The following TNNT1 variants were observed in gnomAD, a reference collection of about 807,000 sequenced individuals.
TNNT1 encodes troponin T1, slow skeletal type.
A neutral mutation model predicts 50.6 loss-of-function variants in TNNT1; 53 were observed. That is an observed-to-expected ratio of 1.05 (90% CI 0.84 to 1.32). TNNT1 has a LOEUF of 1.32. Ranked by LOEUF, TNNT1 falls within the 40% of genes most tolerant of loss-of-function variation. The pLI, the probability that TNNT1 is intolerant of heterozygous loss-of-function variation, is 0.00. For synonymous variants in TNNT1, 142 were observed against 138.0 expected, an observed-to-expected ratio of 1.03 and a Z score of -0.20; for missense variants, 348 against 381.7, an observed-to-expected ratio of 0.91 and a Z score of 0.74.
At chr19:55,143,363 C>G (rs897253124) in intron 6 of TNNT1, among the ~76,000 whole-genome samples, 1 of 152,280 alleles carries the variant, frequency 6.6e-6, no homozygotes, top group African/African-American at 2.4e-5. Context: ...TGGTGCCGCT[C>G]TGAGGCTCAG....
At position 55,137,099 on chromosome 19, in the gene TNNT1, CTA is replaced by C; in HGVS notation, c.611+2_611+3del. ...CTACACCCCGAGCCCCCCACAGCACCTACCGGAGCTGTTCCTCCCCCATGTAG... is the reference window on the plus strand; with the variant it reads ...CTACACCCCGAGCCCCCCACAGCACCCCGGAGCTGTTCCTCCCCCATGTAG... On this transcript the variant is annotated splice_donor_variant and splice_donor_region_variant and intron_variant, in intron 11 of 13. Transcript: ENST00000588981. LOFTEE classifies it high-confidence loss of function. 1 of 1,593,142 alleles carries C rather than the reference CTA, an allele frequency of 6.3e-7. No individual in the cohort carries two copies. Among genetic ancestry groups the C allele is most frequent in the Non-Finnish European group, 8.6e-7 (1 of 1,162,948 alleles).
intron 9 of TNNT1, among the ~76,000 whole-genome samples, chr19:55,138,280 G>T (rs1173645792): frequency 7.2e-6 from 1 of 139,190 alleles, no homozygotes; most frequent in African/African-American, 2.7e-5. Flanking sequence ...CTTCCCCTCT[G>T]TTTTTTTTTT....
intron 1 of TNNT1, 63 bp downstream of exon 1, chr19:55,149,098 C>A (rs1467951833): frequency 4.4e-6 from 2 of 454,678 alleles, no homozygotes; most frequent in Non-Finnish European, 8.9e-6. Context: ...CCCCACCTGC[C>A]TCCTGCCCCC....
intron 9 of TNNT1, among the ~76,000 whole-genome samples, chr19:55,139,000 CCTTT>C (rs1440465367): frequency 1.3e-5 from 2 of 152,072 alleles, no homozygotes; most frequent in African/African-American, 4.8e-5. Flanking sequence ...GAATTAGTTT[CCTTT>C]CTGTTTTTGA....
chr19:55,146,645 C>T lies in TNNT1; in HGVS notation c.73+36G>A, dbSNP rs1450243467. 1.8e-5 allele frequency: 26 copies of T among 1,416,174 alleles called. 1 individual carries two copies. The highest frequency in any genetic ancestry group is 2.4e-5 in the Non-Finnish European group (25 of 1,062,802). 87.7% of individuals were successfully genotyped at this position (1,416,174 alleles called of 1,614,324 possible). A position where few individuals can be genotyped will look rare whatever the true frequency, so the allele number is the denominator to read the frequency against. The stretch of plus-strand genomic sequence containing the variant: ...GGGCCCAGCGTCCCCGCCCCCCCAC[C>T]CCCCAGCTCCAGACCTGCGGAGTCC... On this transcript the variant is annotated intron_variant, in intron 4 of 13. Transcript: ENST00000588981.
At chr19:55,141,446 A>C (rs2085452373) in intron 7 of TNNT1, 144 bp from the exon 8 acceptor site, 2 of 706,814 alleles carry the variant, frequency 2.8e-6, no homozygotes, top group East Asian at 5.2e-5. Context: ...GTTTGACACT[A>C]ATCAGCTCTT....
Position 55,133,054 on chromosome 19 carries a change from A to T in TNNT1, c.792-94T>A, listed in dbSNP as rs936933214. Reference sequence around the variant, plus strand: ...CAATTCAGGAAGCCCATTCCCCAAAATATTAGCCCTCCCTGCCCAGAGGAA... The same window carrying T: ...CAATTCAGGAAGCCCATTCCCCAAATTATTAGCCCTCCCTGCCCAGAGGAA... On this transcript the variant is annotated intron_variant, in intron 13 of 13. Coordinates refer to ENST00000588981, the MANE Select transcript of TNNT1 (RefSeq NM_003283.6). The T allele has an allele frequency of 2.6e-6, 3 of 1,132,904 alleles. No individual in the cohort carries two copies. The African/African-American group carries it at 4.6e-5, about 17-fold the overall frequency. The allele number at this position is 1,132,904 out of a possible 1,614,324, so 70.2% of individuals were successfully genotyped here. A position where few individuals can be genotyped will look rare whatever the true frequency, so the allele number is the denominator to read the frequency against.
intron 13 of TNNT1, 116 bp from the exon 14 acceptor site, chr19:55,133,076 G>A: frequency 1.1e-6 from 1 of 946,890 alleles, no homozygotes; most frequent in Non-Finnish European, 1.7e-6. Context: ...CCTGCCCAGA[G>A]GAAGCAGTGA....
At chr19:55,148,232 G>C (rs921534940) in intron 1 of TNNT1, 2 of 151,950 alleles carry the variant, frequency 1.3e-5, no homozygotes, top group Non-Finnish European at 2.9e-5. Context: ...AGGGATTTGA[G>C]GAAGGGGGGC....
chr19:55,146,630 TCCCC>T, intron 4 of TNNT1, 47 bp downstream of exon 4: 4 of 1,025,166 alleles, frequency 3.9e-6, no homozygotes, highest in Non-Finnish European at 5.5e-6. Flanking sequence ...GGGCCCAGCG[TCCCC>T]GCCCCCCCAC....
chr19:55,146,268 C>T (rs900586268), intron 5 of TNNT1, among the ~76,000 whole-genome samples, 166 bp downstream of exon 5: 2 of 151,874 alleles, frequency 1.3e-5, no homozygotes, highest in African/African-American at 4.8e-5. Context: ...CCCTTCCCGG[C>T]CCCGAGAGGG....
intron 5 of TNNT1, among the ~76,000 whole-genome samples, chr19:55,146,002 C>A (rs1458865801): frequency 1.3e-5 from 2 of 150,958 alleles, no homozygotes; most frequent in East Asian, 1.9e-4. Flanking sequence ...CCCCCCGCCC[C>A]CGGCCCGACC....
chr19:55,147,006 A>G lies in TNNT1; in HGVS notation c.46+2T>C, dbSNP rs1472965765. ...CATAGGGCCGGCCCACTCCCTACTC[A>G]CCTTCCGGCTGCTCCCTGCGGACGG... is the stretch of plus-strand genomic sequence containing the variant. On this transcript the variant is annotated splice_donor_variant, in intron 3 of 13. Transcript: ENST00000588981. LOFTEE classifies it high-confidence loss of function. 1.9e-6 allele frequency: 3 copies of G among 1,608,676 alleles called. No individual in the cohort carries two copies. The highest frequency in any genetic ancestry group is 1.7e-6 in the Non-Finnish European group (2 of 1,177,884).
chr19:55,148,853 A>G (rs1393839793), intron 1 of TNNT1, among the ~76,000 whole-genome samples: 2 of 152,024 alleles, frequency 1.3e-5, no homozygotes, highest in Non-Finnish European at 2.9e-5. Flanking sequence ...CTCCAAGTCC[A>G]GATATCCCTG....
chr19:55,146,888 G>A, intron 3 of TNNT1, 120 bp downstream of exon 3: 1 of 1,349,658 alleles, frequency 7.4e-7, no homozygotes, highest in Non-Finnish European at 1.0e-6. Flanking sequence ...CGGAGAGGGC[G>A]GGCGAGGGCC....
At chr19:55,134,355 A>G (rs1229305031) in intron 11 of TNNT1, 151 bp from the exon 12 acceptor site, 1 of 802,590 alleles carries the variant, frequency 1.2e-6, no homozygotes, top group African/African-American at 1.7e-5. Flanking sequence ...CTTTCTCCAC[A>G]TCCGAGCTGG....
intron 9 of TNNT1, 151 bp from the exon 10 acceptor site, chr19:55,138,225 A>G (rs2742062): frequency 7.4e-7 from 1 of 1,358,786 alleles, no homozygotes. Context: ...AGGGGTACCC[A>G]CTCCCGGCCC....
intron 6 of TNNT1, 184 bp from the exon 7 acceptor site, chr19:55,142,104 G>GT (rs1396590699): frequency 2.5e-5 from 15 of 604,804 alleles, no homozygotes; most frequent in Non-Finnish European, 3.3e-5. Context: ...CACTACTCAT[G>GT]TTTTTTTGGT....
Position 55,137,053 on chromosome 19 carries a change from C to T in TNNT1, c.611+50G>A, listed in dbSNP as rs1279938568. ...GATCTGGGTGTGAGCTCCTTTATCC[C>T]CCTGTCTCACACCCAGGCCCCTACA... is the stretch of plus-strand genomic sequence containing the variant. On this transcript the variant is annotated intron_variant, in intron 11 of 13. Transcript: ENST00000588981. 8 of 1,215,550 alleles carry T rather than the reference C, an allele frequency of 6.6e-6. 1 individual carries two copies. The East Asian group carries it at 1.9e-4, about 29-fold the overall frequency. The allele number at this position is 1,215,550 out of a possible 1,614,324, so 75.3% of individuals were successfully genotyped here. A position where few individuals can be genotyped will look rare whatever the true frequency, so the allele number is the denominator to read the frequency against.
Sources: allele counts gnomAD v4.1 joint callset (sites outside exome capture counted in the v4.1 genomes callset), GRCh38; gene constraint gnomAD v4.1.1; transcripts MANE v1.5; gene names NCBI Gene and HGNC (gene_info 2026-07-23, HGNC 2026-07-21).